SLIT3: variants seen among roughly 807,000 people sequenced by gnomAD.
The protein encoded by SLIT3 is slit guidance ligand 3.
A neutral mutation model predicts 184.0 loss-of-function variants in SLIT3; 68 were observed. The observed-to-expected ratio is 0.37, with a 90% CI of 0.30 to 0.45. The LOEUF is 0.45. SLIT3 is among the 20% of genes least tolerant of loss of function. The pLI, the probability that SLIT3 is intolerant of heterozygous loss-of-function variation, is 1.00. For missense variants in SLIT3, 1,707 were observed against 2,026.0 expected, an observed-to-expected ratio of 0.84 and a Z score of 3.02; for synonymous variants, 831 against 828.6, an observed-to-expected ratio of 1.00 and a Z score of -0.05.
intron 4 of SLIT3, among the ~76,000 whole-genome samples, chr5:168,976,345 G>C (rs531118787): frequency 1.3e-5 from 2 of 152,308 alleles, no homozygotes; most frequent in South Asian, 4.1e-4. Flanking sequence ...GGGAGACTGA[G>C]TACCCACAAT....
rs151246949 is a variant in SLIT3 at position 168,721,685 on chromosome 5, T to C, written c.2483+571A>G. 4.4e-3 allele frequency among the ~76,000 whole-genome samples: 675 copies of C among 152,334 alleles called. 4 individuals are homozygous for C. Among genetic ancestry groups the C allele is most frequent in the African/African-American group, 0.015 (635 of 41,578 alleles). On this transcript the variant is annotated intron_variant, in intron 23 of 35. Coordinates refer to ENST00000519560, the MANE Select transcript of SLIT3 (RefSeq NM_003062.4). ...GAGAGTGGGATTTGTGGAAGAAATCTGATATTTAAATGTTGACAGCTTATT... is the reference window on the plus strand; with the variant it reads ...GAGAGTGGGATTTGTGGAAGAAATCCGATATTTAAATGTTGACAGCTTATT...
At chr5:169,101,892 T>C (rs1166668829) in intron 4 of SLIT3, among the ~76,000 whole-genome samples, 1 of 152,246 alleles carries the variant, frequency 6.6e-6, no homozygotes, top group Non-Finnish European at 1.5e-5. Context: ...AAGGATTCTC[T>C]ACTTTTCAGT....
At chr5:169,231,587 C>T (rs1352826179) in intron 3 of SLIT3, among the ~76,000 whole-genome samples, 1 of 152,166 alleles carries the variant, frequency 6.6e-6, no homozygotes, top group Non-Finnish European at 1.5e-5. Flanking sequence ...CATGAATACA[C>T]CACAGTCTAT....
intron 4 of SLIT3, among the ~76,000 whole-genome samples, chr5:169,028,535 C>T (rs1226835448): frequency 6.6e-6 from 1 of 152,244 alleles, no homozygotes; most frequent in Non-Finnish European, 1.5e-5. Flanking sequence ...TGTACAGTGC[C>T]TGGCACATAG....
intron 3 of SLIT3, among the ~76,000 whole-genome samples, chr5:169,216,705 T>C (rs1274779526): frequency 1.3e-5 from 2 of 152,274 alleles, no homozygotes; most frequent in Admixed American, 6.5e-5. Flanking sequence ...CCTGTGAGGA[T>C]GTGAGGGCTC....
intron 1 of SLIT3, among the ~76,000 whole-genome samples, chr5:169,264,046 A>G (rs775210817): frequency 6.0e-5 from 9 of 150,432 alleles, no homozygotes; most frequent in Non-Finnish European, 1.2e-4. Context: ...GTATTATTCA[A>G]TATACCTCCT....
intron 4 of SLIT3, among the ~76,000 whole-genome samples, chr5:169,104,770 T>C (rs749792419): frequency 2.6e-5 from 4 of 152,190 alleles, no homozygotes; most frequent in Admixed American, 6.5e-5. Context: ...AAGGTTGTCA[T>C]ACCCCATTCA....
chr5:168,986,485 CAT>C (rs2113372237), intron 4 of SLIT3, among the ~76,000 whole-genome samples: 1 of 152,302 alleles, frequency 6.6e-6, no homozygotes, highest in Admixed American at 6.5e-5. Flanking sequence ...GAGGCTTCAA[CAT>C]ATTTATCAGC....
chr5:169,129,162 G>GT (rs1226935940), intron 4 of SLIT3, among the ~76,000 whole-genome samples: 1 of 152,150 alleles, frequency 6.6e-6, no homozygotes, highest in Non-Finnish European at 1.5e-5. Flanking sequence ...GTTTCCCTGT[G>GT]TTTTTGCACC....
chr5:169,192,169 C>A (rs144228492), intron 4 of SLIT3, among the ~76,000 whole-genome samples: 1 of 152,064 alleles, frequency 6.6e-6, no homozygotes, highest in Non-Finnish European at 1.5e-5. Flanking sequence ...GCATTTCCTC[C>A]GCCCCCATGC....
At chr5:169,278,128 C>T (rs1766877355) in intron 1 of SLIT3, among the ~76,000 whole-genome samples, 3 of 152,178 alleles carry the variant, frequency 2.0e-5, no homozygotes, top group Admixed American at 2.0e-4. Context: ...CAACTTTTCC[C>T]TGACTCCCCT....
chr5:168,995,765 T>TCACC (rs1755489516), intron 4 of SLIT3: 1 of 152,316 alleles, frequency 6.6e-6, no homozygotes, highest in African/African-American at 2.4e-5. Context: ...GCGTAATTGC[T>TCACC]CACCTGGCAA....
At position 168,798,220 on chromosome 5, in the gene SLIT3, C is replaced by CTTTTTTTTTTTTTTTTTTTT. The variant is rs575178855; in HGVS notation, c.936-2643_936-2642insAAAAAAAAAAAAAAAAAAAA. On this transcript the variant is annotated intron_variant, in intron 9 of 35. Transcript: ENST00000519560. ...CTTTTGGTTTTCTTTTCTTCTTCTT[C>CTTTTTTTTTTTTTTTTTTTT]TTCTTTTTTTTTTTTTTTTAAGAGA... Among the ~76,000 whole-genome samples, 375 of 112,172 alleles carry CTTTTTTTTTTTTTTTTTTTT rather than the reference C, an allele frequency of 3.3e-3. 31 individuals carry two copies. The highest frequency in any genetic ancestry group is 0.015 in the African/African-American group (350 of 24,026). The allele number at this position is 112,172 out of a possible 152,430, so 73.6% of individuals were successfully genotyped here.
intron 5 of SLIT3, among the ~76,000 whole-genome samples, chr5:168,875,975 C>T (rs1018867076): frequency 2.0e-5 from 3 of 152,152 alleles, no homozygotes; most frequent in African/African-American, 7.2e-5. Context: ...TGCTGCACTT[C>T]CCAGAGATGA....
chr5:168,740,647 C>G (rs1392100692), intron 20 of SLIT3, among the ~76,000 whole-genome samples: 1 of 152,138 alleles, frequency 6.6e-6, no homozygotes, highest in Non-Finnish European at 1.5e-5. Context: ...TTACCCCCAA[C>G]CCTCCACCCC....
At chr5:169,023,983 G>C (rs925152103) in intron 4 of SLIT3, 2 of 152,062 alleles carry the variant, frequency 1.3e-5, no homozygotes, top group Admixed American at 6.5e-5. Flanking sequence ...GTCATATTGG[G>C]GCTGTGTCCT....
intron 3 of SLIT3, among the ~76,000 whole-genome samples, chr5:169,204,270 G>A (rs1443547689): frequency 1.3e-5 from 2 of 152,130 alleles, no homozygotes; most frequent in Admixed American, 1.3e-4. Flanking sequence ...CATTGGGTTG[G>A]GCAATGAAGA....
chr5:168,914,000 G>A (rs1761352007), intron 4 of SLIT3, among the ~76,000 whole-genome samples: 1 of 152,088 alleles, frequency 6.6e-6, no homozygotes, highest in Non-Finnish European at 1.5e-5. Context: ...TACAGTATCA[G>A]CACATGTAAC....
chr5:169,236,593 C>T (rs1041491301), intron 3 of SLIT3, among the ~76,000 whole-genome samples: 9 of 151,916 alleles, frequency 5.9e-5, no homozygotes, highest in African/African-American at 1.4e-4. Flanking sequence ...GTCTCAGCAT[C>T]CTGAGTAGCT....
Sources: gnomAD v4.1 joint callset for allele counts (sites outside exome capture counted in the v4.1 genomes callset) on GRCh38, gnomAD v4.1.1 for gene constraint, MANE v1.5 for transcripts, NCBI Gene and HGNC (gene_info 2026-07-23, HGNC 2026-07-21) for gene names.